Variants in FOXP2 observed in about 807,000 individuals in gnomAD.
FOXP2 encodes forkhead box protein P2.
A neutral mutation model predicts 115.8 loss-of-function variants in FOXP2; 12 were observed. The ratio of observed to expected loss-of-function variants is 0.10; its 90% confidence interval spans 0.07 to 0.17. The LOEUF is 0.17. Ranked by LOEUF, FOXP2 falls within the 10% of genes least tolerant of loss-of-function variation. The pLI is 1.00. For synonymous variants in FOXP2, 328 were observed against 297.7 expected, an observed-to-expected ratio of 1.10 and a Z score of -1.05; for missense variants, 629 against 843.5, an observed-to-expected ratio of 0.75 and a Z score of 3.15.
At chr7:114,185,918 A>C (rs1271768254) in intron 1 of FOXP2, among the ~76,000 whole-genome samples, 1 of 152,178 alleles carries the variant, frequency 6.6e-6, no homozygotes, top group Non-Finnish European at 1.5e-5. Context: ...GAGCCTGGGA[A>C]ATACACTATC....
At chr7:114,500,460 T>G (rs562408116) in intron 2 of FOXP2, among the ~76,000 whole-genome samples, 49 of 152,204 alleles carry the variant, frequency 3.2e-4, no homozygotes, top group African/African-American at 1.2e-3. Flanking sequence ...TATGTATACA[T>G]ATATTAATAT....
intron 1 of FOXP2, among the ~76,000 whole-genome samples, chr7:114,126,332 A>G (rs1003650213): frequency 1.1e-4 from 17 of 152,048 alleles, no homozygotes; most frequent in African/African-American, 4.1e-4. Context: ...ATGCATATGT[A>G]TGTGTCAGTA....
rs574993238 is a variant in FOXP2 at position 114,101,899 on chromosome 7, T to TTTTG, written c.-247+14062_-247+14063insTTGT. On this transcript the variant is annotated intron_variant, in intron 1 of 19. Coordinates refer to the FOXP2 transcript ENST00000635638. ...TGATTTTCCATTTCGCTTCAACATT[T>TTTTG]TGTGTGTGTGTGTGTGTGTGTGTGT... Among the ~76,000 whole-genome samples the TTTTG allele has an allele frequency of 4.2e-3, 593 of 142,520 alleles. 1 individual carries two copies. The highest frequency in any genetic ancestry group is 0.013 in the African/African-American group (506 of 39,066). The allele number at this position is 142,520 out of a possible 152,430, so 93.5% of individuals were successfully genotyped here.
chr7:114,559,888 T>TA lies in FOXP2; in HGVS notation c.258+25197dup, dbSNP rs56799708. ...TGGGCGACAGAGCAAGATTCCATCT[T>TA]AAAAAAAAAAAAAAATCTCATTTTA... On this transcript the variant is annotated intron_variant, in intron 3 of 16. Transcript: ENST00000350908. 5.5e-4 allele frequency among the ~76,000 whole-genome samples: 81 copies of TA among 147,800 alleles called. 1 individual carries two copies. The highest frequency in any genetic ancestry group is 7.2e-3 in the Middle Eastern group (2 of 276).
chr7:114,357,893 G>T (rs1448040930), intron 2 of FOXP2, among the ~76,000 whole-genome samples: 1 of 152,062 alleles, frequency 6.6e-6, no homozygotes, highest in Non-Finnish European at 1.5e-5. Flanking sequence ...ATTGTCATGT[G>T]ACCCAATTTT....
At chr7:114,642,797 TATATATATA>T (rs1563054395) in intron 7 of FOXP2, among the ~76,000 whole-genome samples, 174 bp downstream of exon 7, 30 of 40,880 alleles carry the variant, frequency 7.3e-4, no homozygotes, top group Admixed American at 4.1e-3. Flanking sequence ...TATATATATA[TATATATATA>T]TATATATTTT....
intron 3 of FOXP2, among the ~76,000 whole-genome samples, chr7:114,624,189 A>G (rs1349908769): frequency 6.6e-6 from 1 of 151,906 alleles, no homozygotes; most frequent in Non-Finnish European, 1.5e-5. Flanking sequence ...AGAATGTACA[A>G]TAAAATATTT....
chr7:114,659,391 G>A lies in FOXP2; in HGVS notation c.1504G>A (p.Asp502Asn). Residue 502 changes from aspartate (D) to asparagine (N), a missense_variant, in exon 12 of 17, where the codon GAT becomes AAT. Coordinates refer to ENST00000350908, the MANE Select transcript of FOXP2 (RefSeq NM_014491.4). ...APNYEFYKNA[D>N]VRPPFTYATL... Reference sequence around the variant, plus strand: ...AAACTATGAATTTTATAAAAATGCAGATGTCAGACCTCCATTTACTTATGC... The same window carrying A: ...AAACTATGAATTTTATAAAAATGCAAATGTCAGACCTCCATTTACTTATGC... 6.2e-7 allele frequency: 1 copy of A among 1,613,234 alleles called. No homozygotes were observed. Among genetic ancestry groups the A allele is most frequent in the Non-Finnish European group, 8.5e-7 (1 of 1,179,430 alleles).
intron 2 of FOXP2, among the ~76,000 whole-genome samples, chr7:114,367,283 C>T (rs2129188599): frequency 6.6e-6 from 1 of 152,182 alleles, no homozygotes; most frequent in African/African-American, 2.4e-5. Flanking sequence ...TGAAGGTATT[C>T]AAATTCAGTT....
intron 2 of FOXP2, among the ~76,000 whole-genome samples, chr7:114,316,827 A>G (rs1053789483): frequency 6.6e-6 from 1 of 152,034 alleles, no homozygotes; most frequent in Non-Finnish European, 1.5e-5. Context: ...TTTATAAAAA[A>G]CTTTCTAATT....
chr7:114,509,041 A>G (rs574507971), intron 2 of FOXP2, among the ~76,000 whole-genome samples: 48 of 152,206 alleles, frequency 3.2e-4, no homozygotes, highest in Non-Finnish European at 5.7e-4. Context: ...GACAGAGGGA[A>G]CAGTATGTGC....
At chr7:114,240,655 C>CT (rs1795128864) in intron 1 of FOXP2, among the ~76,000 whole-genome samples, 1 of 151,768 alleles carries the variant, frequency 6.6e-6, no homozygotes, top group Non-Finnish European at 1.5e-5. Context: ...GCTCTAACAT[C>CT]TAACATATCT....
intron 2 of FOXP2, among the ~76,000 whole-genome samples, chr7:114,488,159 C>A (rs1584797505): frequency 6.6e-6 from 1 of 152,086 alleles, no homozygotes; most frequent in African/African-American, 2.4e-5. Flanking sequence ...CAGTGGCAGG[C>A]AAGAGCACAT....
upstream of FOXP2, among the ~76,000 whole-genome samples, chr7:114,159,363 T>G (rs924576490): frequency 2.0e-5 from 3 of 152,144 alleles, no homozygotes; most frequent in African/African-American, 7.2e-5. Flanking sequence ...AATGTTTAGT[T>G]TCAAGGATGT....
At chr7:114,356,802 G>C (rs1174501979) in intron 2 of FOXP2, among the ~76,000 whole-genome samples, 5 of 152,100 alleles carry the variant, frequency 3.3e-5, no homozygotes, top group Non-Finnish European at 7.4e-5. Flanking sequence ...TGTAGATGTA[G>C]ATATTTATTA....
At chr7:114,191,265 C>A (rs1351952203) in intron 1 of FOXP2, among the ~76,000 whole-genome samples, 1 of 152,062 alleles carries the variant, frequency 6.6e-6, no homozygotes. Flanking sequence ...ACTGGAAGTT[C>A]TCATTCCACT....
At chr7:114,169,622 T>C (rs1793082322) in intron 1 of FOXP2, among the ~76,000 whole-genome samples, 1 of 152,152 alleles carries the variant, frequency 6.6e-6, no homozygotes, top group African/African-American at 2.4e-5. Context: ...GAGTTAATGC[T>C]GAAATAAGGC....
At position 114,249,681 on chromosome 7, in the gene FOXP2, G is replaced by A. The variant is rs1049574461; in HGVS notation, c.-101-38338G>A. Among the ~76,000 whole-genome samples the A allele has an allele frequency of 2.6e-5, 4 of 152,192 alleles. No homozygotes were observed. The South Asian group carries it at 8.3e-4, about 32-fold the overall frequency. ...ATAGTGCTGCAGTTAACATATGTGT[G>A]CATGTATCTTTATAATAGAATGATT... On this transcript the variant is annotated intron_variant, in intron 1 of 17. Transcript: ENST00000634411.
chr7:114,588,671 A>G (rs552870222), intron 3 of FOXP2, among the ~76,000 whole-genome samples: 2 of 152,280 alleles, frequency 1.3e-5, no homozygotes, highest in East Asian at 3.9e-4. Flanking sequence ...ATCCAAGCAT[A>G]TTGAATATAT....
Sources: allele counts gnomAD v4.1 joint callset (sites outside exome capture counted in the v4.1 genomes callset), GRCh38; gene constraint gnomAD v4.1.1; transcripts MANE v1.5; gene names NCBI Gene and HGNC (gene_info 2026-07-23, HGNC 2026-07-21).